The following TGM4 variants were observed in gnomAD, a reference collection of about 807,000 sequenced individuals.
The protein encoded by TGM4 is transglutaminase 4.
In TGM4, 61 loss-of-function variants were observed where a neutral mutation model predicts 76.3. The ratio of observed to expected loss-of-function variants is 0.80; its 90% CI spans 0.65 to 0.99. TGM4 has a LOEUF of 0.99. Among genes scored for constraint, TGM4 ranks in the 50% least tolerant of loss-of-function variants. TGM4 has a pLI of 0.00. For synonymous variants in TGM4, 337 were observed against 329.8 expected (o/e 1.02, Z -0.24); for missense variants, 794 against 843.2 (o/e 0.94, Z 0.72).
Position 44,886,290 on chromosome 3 carries a change from A to G in TGM4, c.193+792A>G, listed in dbSNP as rs1205210248. 6.6e-5 allele frequency among the ~76,000 whole-genome samples: 10 copies of G among 152,294 alleles called. No homozygotes were observed. The South Asian group carries it at 2.1e-3, about 32-fold the overall frequency. On this transcript the variant is annotated intron_variant, in intron 2 of 13. Coordinates refer to ENST00000296125, the MANE Select transcript of TGM4 (RefSeq NM_003241.4). ...TGGGAGGTGGAGGTTGCAGGGAGGC[A>G]AGATAGTGTCATTGCACTTCATCCT... is the stretch of plus-strand genomic sequence containing the variant.
In TGM4 at chr3:44,910,370, T is replaced by G. The variant is rs768577400; in HGVS notation, c.1606+2T>G. ...AGACCTCGCAGATCCAAGGTCAAGG[T>G]ACCAGAACCAGAGGGAGGAGAGGCC... On this transcript the variant is annotated splice_donor_variant, in intron 11 of 13. Transcript: ENST00000296125. LOFTEE classifies it high-confidence loss of function. 1 of 1,612,532 alleles carries G rather than the reference T, an allele frequency of 6.2e-7. No homozygotes were observed. Among genetic ancestry groups the G allele is most frequent in the Admixed American group, 1.7e-5 (1 of 59,996 alleles).
intron 6 of TGM4, 55 bp downstream of exon 6, chr3:44,896,871 T>A: frequency 6.8e-7 from 1 of 1,460,910 alleles, no homozygotes; most frequent in Non-Finnish European, 9.6e-7. Flanking sequence ...TTGCTCAGCC[T>A]TTTTCTGTTT....
intron 1 of TGM4, among the ~76,000 whole-genome samples, chr3:44,882,234 A>AT (rs1699543967): frequency 6.6e-6 from 1 of 151,880 alleles, no homozygotes; most frequent in Non-Finnish European, 1.5e-5. Context: ...CTCCAAAGGC[A>AT]TTTTTTTAAA....
intron 4 of TGM4, among the ~76,000 whole-genome samples, chr3:44,892,741 A>AT (rs1363780226): frequency 1.3e-5 from 2 of 152,078 alleles, no homozygotes; most frequent in East Asian, 3.9e-4. Flanking sequence ...CTAGAGTCAC[A>AT]TTTTGCATGT....
intron 8 of TGM4, 105 bp from the exon 9 acceptor site, chr3:44,903,779 C>G: frequency 3.8e-6 from 4 of 1,053,560 alleles, no homozygotes; most frequent in Non-Finnish European, 5.9e-6. Context: ...AGAACAACCT[C>G]AGTGGGTCCC....
intron 13 of TGM4, 144 bp downstream of exon 13, chr3:44,911,550 GAA>G: frequency 1.1e-6 from 1 of 897,410 alleles, no homozygotes; most frequent in East Asian, 2.7e-5. Flanking sequence ...ATTACTTTGA[GAA>G]AAGATTGCAT....
chr3:44,892,362 A>ATT (rs200539240), intron 4 of TGM4, among the ~76,000 whole-genome samples: 8 of 131,584 alleles, frequency 6.1e-5, no homozygotes, highest in Admixed American at 8.0e-5. Context: ...TTTTTTTTTA[A>ATT]TTTTTTTTTT....
chr3:44,874,931 A>G (rs923301486), intron 1 of TGM4, among the ~76,000 whole-genome samples: 9 of 152,234 alleles, frequency 5.9e-5, no homozygotes, highest in Admixed American at 5.2e-4. Context: ...ATTTCCATAT[A>G]TCCTTTATCC....
chr3:44,881,060 A>AAAAGCCAGGT (rs747287985), intron 1 of TGM4, among the ~76,000 whole-genome samples: 2,984 of 152,242 alleles, frequency 0.02, 51 homozygotes, highest in Middle Eastern at 0.065. Flanking sequence ...ACCACTATGA[A>AAAAGCCAGGT]GTGCACTATG....
At chr3:44,903,811 C>T (rs1438480787) in intron 8 of TGM4, 73 bp from the exon 9 acceptor site, 1 of 1,369,896 alleles carries the variant, frequency 7.3e-7, no homozygotes, top group Non-Finnish European at 1.0e-6. Context: ...ATGTCTCTGG[C>T]AATTTTGGCG....
chr3:44,901,502 C>A, intron 6 of TGM4, 22 bp from the exon 7 acceptor site: 1 of 1,587,264 alleles, frequency 6.3e-7, no homozygotes, highest in Non-Finnish European at 8.6e-7. Context: ...GGACACTGAC[C>A]CCACCCCTAC....
chr3:44,877,275 C>T (rs140700222), intron 1 of TGM4, among the ~76,000 whole-genome samples: 2,971 of 152,114 alleles, frequency 0.02, 51 homozygotes, highest in Middle Eastern at 0.065. Flanking sequence ...GGTGAAACCC[C>T]GTCTCTACTA....
intron 1 of TGM4, among the ~76,000 whole-genome samples, chr3:44,883,519 C>T (rs1454779927): frequency 1.3e-5 from 2 of 152,218 alleles, no homozygotes; most frequent in Non-Finnish European, 2.9e-5. Context: ...GACCCAGTCT[C>T]AGGTATTCCA....
In TGM4 at chr3:44,906,960, T is replaced by A. The variant is rs1167318414; in HGVS notation, c.1087T>A (p.Cys363Ser). ...TGGCTTCCCCTCAGGTGTCTTCTGC[T>A]GTGGGCCATCACCACTGACCGCCAT... ...PQERSQGVFC[C>S]GPSPLTAIRK... The change falls in exon 10 of 14, where the codon TGT becomes AGT. Residue 363 changes from cysteine (C) to serine (S), a missense_variant. Cys to Ser is a moderately radical substitution (Grantham distance 112). Coordinates refer to ENST00000296125, the MANE Select transcript of TGM4 (RefSeq NM_003241.4). 3.7e-6 allele frequency: 6 copies of A among 1,614,000 alleles called. No individual in the cohort carries two copies. The East Asian group carries it at 8.9e-5, about 24-fold the overall frequency.
rs758615516 is a variant in TGM4 at position 44,885,441 on chromosome 3, C to T, written c.136C>T (p.Leu46=). The change falls in exon 2 of 14, where the codon CTG becomes TTG. Residue 46 remains leucine (L), a synonymous_variant. Transcript: ENST00000296125. ...GCGAGGACAGGTGTTTCACCTGCGG[C>T]TGGTGCTGAACCAGCCCCTACAATC... is the stretch of plus-strand genomic sequence containing the variant. The part of the protein sequence containing the change: ...FRRGQVFHLR[L]VLNQPLQSYH... The T allele has an allele frequency of 6.2e-7, 1 of 1,613,292 alleles. No individual in the cohort carries two copies.
At chr3:44,889,341 C>T (rs1023187818) in intron 3 of TGM4, among the ~76,000 whole-genome samples, 2 of 151,978 alleles carry the variant, frequency 1.3e-5, no homozygotes, top group Non-Finnish European at 2.9e-5. Flanking sequence ...CAGCTTCTCT[C>T]CAGAGGGTGC....
chr3:44,891,442 T>C (rs1010486938), intron 4 of TGM4, among the ~76,000 whole-genome samples: 2 of 151,466 alleles, frequency 1.3e-5, no homozygotes, highest in Non-Finnish European at 2.9e-5. Flanking sequence ...CTATACCCTT[T>C]ATCATCCAGG....
chr3:44,884,501 G>C (rs1041254588), intron 1 of TGM4, among the ~76,000 whole-genome samples: 1 of 151,934 alleles, frequency 6.6e-6, no homozygotes, highest in Non-Finnish European at 1.5e-5. Context: ...TTTTTTTTGG[G>C]GGGGATGGAG....
intron 9 of TGM4, among the ~76,000 whole-genome samples, chr3:44,905,006 T>C (rs1469843843): frequency 6.9e-6 from 1 of 145,496 alleles, no homozygotes; most frequent in African/African-American, 2.6e-5. Context: ...TATTTAGAGA[T>C]GGAGTTTCAC....
Sources: gnomAD v4.1 joint callset for allele counts (sites outside exome capture counted in the v4.1 genomes callset) on GRCh38, gnomAD v4.1.1 for gene constraint, MANE v1.5 for transcripts, NCBI Gene and HGNC (gene_info 2026-07-23, HGNC 2026-07-21) for gene names.